The following SOS2 variants were observed in gnomAD, a reference collection of about 807,000 sequenced individuals.
SOS2 encodes son of sevenless homolog 2.
Under a neutral mutation model 148.2 loss-of-function variants are expected in SOS2, and 65 were observed. The observed-to-expected ratio is 0.44, with a 90% confidence interval of 0.36 to 0.54. SOS2 has a LOEUF of 0.54. SOS2 is among the 20% of genes least tolerant of loss of function. SOS2 has a pLI of 0.00. For missense variants in SOS2, 1,341 were observed against 1,590.2 expected, an observed-to-expected ratio of 0.84 and a Z score of 2.67; for synonymous variants, 539 against 537.1, an observed-to-expected ratio of 1.00 and a Z score of -0.05.
intron 2 of SOS2, among the ~76,000 whole-genome samples, chr14:50,203,605 T>C (rs926893898): frequency 2.0e-5 from 3 of 151,694 alleles, no homozygotes; most frequent in African/African-American, 7.3e-5. Flanking sequence ...TATATATATA[T>C]ATACACACAC....
intron 1 of SOS2, among the ~76,000 whole-genome samples, chr14:50,223,298 G>A (rs1298151284): frequency 6.6e-6 from 1 of 152,188 alleles, no homozygotes; most frequent in South Asian, 2.1e-4. Context: ...CACTTTGGAG[G>A]CTGAGGCAGG....
intron 8 of SOS2, among the ~76,000 whole-genome samples, chr14:50,173,191 G>A (rs1432607055): frequency 1.3e-5 from 2 of 151,756 alleles, no homozygotes; most frequent in African/African-American, 4.8e-5. Flanking sequence ...TGATTATTTC[G>A]TACCTCTCCT....
At chr14:50,217,728 C>G (rs534570405) in intron 1 of SOS2, among the ~76,000 whole-genome samples, 108 of 148,728 alleles carry the variant, frequency 7.3e-4, no homozygotes, top group African/African-American at 2.3e-3. Flanking sequence ...AGGCCGAGGC[C>G]GGTGGATCAC....
rs117892627 is a variant in SOS2 at position 50,131,303 on chromosome 14, A to G, written c.3076-541T>C. Among the ~76,000 whole-genome samples the G allele has an allele frequency of 6.6e-5, 10 of 152,338 alleles. No individual in the cohort carries two copies. In the East Asian group the frequency reaches 1.7e-3, roughly 26 times the overall value. On this transcript the variant is annotated intron_variant, in intron 19 of 22. Transcript: ENST00000216373. ...TAATCAAATAAAAAACACAGAACTCAGATCAGAAAACTTGAGTTAAGATCT... is the reference window on the plus strand; with the variant it reads ...TAATCAAATAAAAAACACAGAACTCGGATCAGAAAACTTGAGTTAAGATCT...
chr14:50,205,408 T>C (rs951747377), intron 1 of SOS2, among the ~76,000 whole-genome samples: 3 of 152,118 alleles, frequency 2.0e-5, no homozygotes, highest in East Asian at 3.9e-4. Context: ...AACACAAAAA[T>C]AGATAACTTG....
Position 50,201,047 on chromosome 14 carries a change from T to A in SOS2, c.251A>T (p.Lys84Ile). 6.2e-7 allele frequency: 1 copy of A among 1,613,848 alleles called. No homozygotes were observed. The highest frequency in any genetic ancestry group is 1.1e-5 in the South Asian group (1 of 91,062). The change falls in exon 3 of 23, where the codon AAA becomes ATA. Residue 84 changes from lysine to isoleucine, a missense_variant. This residue lies in a region of SOS2 where 574 missense variants were observed against 711.1 expected (regional missense o/e 0.81). Transcript: ENST00000216373. The part of the protein sequence containing the change: ...VQKTFPHPID[K>I]WAIADAQSAI... ...AGATTGTGCATCAGCAATGGCCCAT[T>A]TATCAATTGGGTGAGGAAAGGTCTT...
rs1883996896 is a variant in SOS2, at chr14:50,134,139, T to A, written c.3059A>T (p.Lys1020Ile). 1.9e-6 allele frequency: 3 copies of A among 1,559,046 alleles called. No homozygotes were observed. Among genetic ancestry groups the A allele is most frequent in the Non-Finnish European group, 2.6e-6 (3 of 1,132,936 alleles). The change falls in exon 19 of 23, where the codon AAA (lysine) becomes ATA (isoleucine). Residue 1020 changes from lysine (K) to isoleucine (I), a missense_variant. By Grantham distance (102) the Lys-to-Ile change is moderately radical. This residue lies in a region of SOS2 where 408 missense variants were observed against 506.6 expected (regional missense o/e 0.81). Transcript: ENST00000216373. ...AAGACTTACAAATCGAGGTGGCTGT[T>A]TGCAGTTTCGAGGTTCAATTTCTAG... is the stretch of plus-strand genomic sequence containing the variant. ...KSLEIEPRNC[K>I]QPPRFPRKST...
At chr14:50,170,373 C>G (rs1042299021) in intron 8 of SOS2, among the ~76,000 whole-genome samples, 1 of 151,944 alleles carries the variant, frequency 6.6e-6, no homozygotes, top group Non-Finnish European at 1.5e-5. Flanking sequence ...AACTTTATAA[C>G]ATAATTCTTA....
intron 4 of SOS2, among the ~76,000 whole-genome samples, chr14:50,189,102 C>CACAA (rs36076916): frequency 6.9e-6 from 1 of 145,306 alleles, no homozygotes; most frequent in Non-Finnish European, 1.5e-5. Flanking sequence ...CACACACACA[C>CACAA]GCACACACAA....
chr14:50,128,228 C>G (rs906167537), intron 21 of SOS2, among the ~76,000 whole-genome samples: 1 of 151,930 alleles, frequency 6.6e-6, no homozygotes, highest in African/African-American at 2.4e-5. Flanking sequence ...GGGTCAATAC[C>G]TGAATATCAA....
intron 21 of SOS2, among the ~76,000 whole-genome samples, chr14:50,122,391 CTTTTTTTTT>C (rs71118839): frequency 5.7e-5 from 5 of 88,308 alleles, no homozygotes; most frequent in Non-Finnish European, 7.9e-5. Context: ...GAACCCTGGG[CTTTTTTTTT>C]TTTTTTTTTT....
chr14:50,160,234 T>C (rs1884951507), intron 9 of SOS2, 148 bp from the exon 10 acceptor site: 1 of 623,026 alleles, frequency 1.6e-6, no homozygotes, highest in East Asian at 2.7e-5. Context: ...TGCCACTAAA[T>C]AATACAGCCC....
intron 4 of SOS2, among the ~76,000 whole-genome samples, chr14:50,198,460 A>G (rs778216597): frequency 2.6e-5 from 4 of 152,246 alleles, no homozygotes; most frequent in African/African-American, 9.6e-5. Flanking sequence ...GGCATCGTAC[A>G]ATCGGTCTCA....
At chr14:50,187,890 C>G (rs1885969256) in intron 5 of SOS2, among the ~76,000 whole-genome samples, 1 of 152,134 alleles carries the variant, frequency 6.6e-6, no homozygotes, top group South Asian at 2.1e-4. Context: ...ATGCAGAGGT[C>G]TTCCTTTCCT....
At chr14:50,218,145 A>C (rs1007936288) in intron 1 of SOS2, among the ~76,000 whole-genome samples, 3 of 150,882 alleles carry the variant, frequency 2.0e-5, no homozygotes, top group African/African-American at 7.3e-5. Flanking sequence ...AAAACAAAAA[A>C]AAAAAAAGAA....
intron 7 of SOS2, 112 bp downstream of exon 7, chr14:50,180,460 T>C (rs900521219): frequency 1.7e-6 from 1 of 594,702 alleles, no homozygotes; most frequent in Non-Finnish European, 2.9e-6. Context: ...ATGAACAAGA[T>C]TTGAAGGATT....
At chr14:50,146,654 A>C (rs1188189335) in intron 14 of SOS2, among the ~76,000 whole-genome samples, 1 of 151,950 alleles carries the variant, frequency 6.6e-6, no homozygotes, top group Non-Finnish European at 1.5e-5. Flanking sequence ...CTCAAAACAA[A>C]CAAACAAAAA....
At chr14:50,177,179 G>C (rs142737569) in intron 7 of SOS2, among the ~76,000 whole-genome samples, 3,164 of 152,164 alleles carry the variant, frequency 0.021, 74 homozygotes, top group Non-Finnish European at 0.026. Context: ...AATTAGCCAG[G>C]CGTGGTGGTC....
rs535852487 is a variant in SOS2 at position 50,226,172 on chromosome 14, G to A, written c.87+5025C>T. On this transcript the variant is annotated intron_variant, in intron 1 of 22. Coordinates refer to ENST00000216373, the MANE Select transcript of SOS2 (RefSeq NM_006939.4). ...AGAACAGTGTCTGCAGCCAGGCGAC[G>A]TAGCTTACACCTGTAATCCCAGCAT... Among the ~76,000 whole-genome samples, 153 of 152,264 alleles carry A rather than the reference G, an allele frequency of 1.0e-3. 1 individual carries two copies. The highest frequency in any genetic ancestry group is 6.8e-3 in the Middle Eastern group (2 of 294).
Sources: gnomAD v4.1 joint callset for allele counts (sites outside exome capture counted in the v4.1 genomes callset) on GRCh38, gnomAD v4.1.1 for gene constraint, gnomAD v4.1.1 regional missense constraint, MANE v1.5 for transcripts, NCBI Gene and HGNC (gene_info 2026-07-23, HGNC 2026-07-21) for gene names.